FRMD4A: variants seen among roughly 807,000 people sequenced by gnomAD.
The protein encoded by FRMD4A is FERM domain-containing protein 4A.
FRMD4A carries 29 observed loss-of-function variants against 129.1 expected under a neutral mutation model. That is an observed-to-expected ratio of 0.22 (90% CI 0.17 to 0.31). The LOEUF (loss-of-function observed/expected upper bound fraction) is 0.31, where lower values mean the gene tolerates loss of function less well. FRMD4A is among the 10% of genes least tolerant of loss of function. The pLI, the probability that FRMD4A is intolerant of heterozygous loss-of-function variation, is 1.00. For missense variants in FRMD4A, 1,272 were observed against 1,375.8 expected (o/e 0.92, Z 1.19); for synonymous variants, 634 against 571.6 (o/e 1.11, Z -1.56).
rs1844281052 is a variant in FRMD4A, at chr10:14,247,421, A to G, written c.45+82637T>C. Among the ~76,000 whole-genome samples the G allele has an allele frequency of 5.9e-5, 9 of 152,236 alleles. No individual in the cohort carries two copies. The South Asian group carries it at 1.9e-3, about 32-fold the overall frequency. ...AATGCAGCTCATAGCACCTGTCAAA[A>G]GAAATAAGATCACATTAAAATTCTT... On this transcript the variant is annotated intron_variant, in intron 2 of 24. Transcript: ENST00000357447.
At chr10:14,079,167 G>T (rs1835782621) in intron 2 of FRMD4A, among the ~76,000 whole-genome samples, 1 of 152,224 alleles carries the variant, frequency 6.6e-6, no homozygotes, top group South Asian at 2.1e-4. Flanking sequence ...AGGTGCTGCT[G>T]TTACCTCCAG....
chr10:13,941,098 G>A (rs1294463646), intron 2 of FRMD4A, among the ~76,000 whole-genome samples: 2 of 152,168 alleles, frequency 1.3e-5, no homozygotes, highest in African/African-American at 4.8e-5. Flanking sequence ...CGTGTGATAT[G>A]GTTTGGCTGT....
intron 2 of FRMD4A, among the ~76,000 whole-genome samples, chr10:13,966,867 A>G (rs555200027): frequency 4.3e-4 from 66 of 152,278 alleles, no homozygotes; most frequent in Non-Finnish European, 8.7e-4. Context: ...ATTGTGGTAT[A>G]TACATAGGAT....
intron 8 of FRMD4A, among the ~76,000 whole-genome samples, chr10:13,754,507 A>G (rs1016015260): frequency 6.6e-6 from 1 of 151,938 alleles, no homozygotes; most frequent in African/African-American, 2.4e-5. Context: ...CTGCTCTTCA[A>G]TTACTCATGG....
intron 19 of FRMD4A, 61 bp from the exon 20 acceptor site, chr10:13,660,614 G>T: frequency 9.5e-7 from 1 of 1,050,186 alleles, no homozygotes; most frequent in Non-Finnish European, 1.4e-6. Context: ...GGCTGAGACA[G>T]AACCCCTACA....
At chr10:14,329,551 A>C (rs1292677442) in intron 2 of FRMD4A, among the ~76,000 whole-genome samples, 1 of 152,200 alleles carries the variant, frequency 6.6e-6, no homozygotes, top group Non-Finnish European at 1.5e-5. Flanking sequence ...CTCCCAACTC[A>C]GTAGCCCAAG....
intron 2 of FRMD4A, among the ~76,000 whole-genome samples, chr10:14,245,014 C>G (rs1287605845): frequency 6.6e-6 from 1 of 152,204 alleles, no homozygotes; most frequent in Admixed American, 6.5e-5. Flanking sequence ...CAGCAAAGAC[C>G]TTCTGAGCTC....
intron 2 of FRMD4A, among the ~76,000 whole-genome samples, chr10:13,995,795 G>A (rs1402146528): frequency 6.6e-6 from 1 of 151,610 alleles, no homozygotes; most frequent in Non-Finnish European, 1.5e-5. Context: ...AAATCGACAA[G>A]TGCCCGTATG....
At chr10:13,720,526 A>C (rs186873122) in intron 12 of FRMD4A, among the ~76,000 whole-genome samples, 346 of 152,356 alleles carry the variant, frequency 2.3e-3, no homozygotes, top group African/African-American at 7.9e-3. Flanking sequence ...TCAGGCACTG[A>C]GGATACAGCA....
intron 2 of FRMD4A, among the ~76,000 whole-genome samples, chr10:14,134,750 G>A (rs868453966): frequency 1.3e-5 from 2 of 152,132 alleles, no homozygotes; most frequent in African/African-American, 4.8e-5. Flanking sequence ...TGAGTGGATG[G>A]ATAGAAAGTC....
chr10:14,155,795 G>A (rs1041338057), intron 2 of FRMD4A, among the ~76,000 whole-genome samples: 8 of 152,186 alleles, frequency 5.3e-5, no homozygotes, highest in Admixed American at 1.3e-4. Flanking sequence ...CTCTTTACTC[G>A]CATTTTCAGA....
intron 2 of FRMD4A, among the ~76,000 whole-genome samples, chr10:13,938,866 A>G (rs1203318819): frequency 6.6e-6 from 1 of 152,050 alleles, no homozygotes; most frequent in Admixed American, 6.6e-5. Context: ...ACAGAGAAAG[A>G]CCTGGTCCCA....
intron 2 of FRMD4A, among the ~76,000 whole-genome samples, chr10:13,939,072 A>G (rs1178842688): frequency 6.6e-6 from 1 of 152,210 alleles, no homozygotes; most frequent in Admixed American, 6.5e-5. Flanking sequence ...CAATAGTACC[A>G]AGATTGAGAA....
At chr10:13,971,810 G>T (rs770887631) in intron 2 of FRMD4A, 1 of 1,304,428 alleles carries the variant, frequency 7.7e-7, no homozygotes, top group East Asian at 5.5e-5. Context: ...GCCAGCCCCA[G>T]ACTCTGCCGC....
intron 6 of FRMD4A, among the ~76,000 whole-genome samples, chr10:13,780,539 G>A (rs2092708462): frequency 6.6e-6 from 1 of 152,100 alleles, no homozygotes; most frequent in South Asian, 2.1e-4. Context: ...AAACATTTTT[G>A]TAAAGAAGAT....
At chr10:14,073,515 C>A (rs1204753911) in intron 2 of FRMD4A, among the ~76,000 whole-genome samples, 1 of 151,996 alleles carries the variant, frequency 6.6e-6, no homozygotes, top group Non-Finnish European at 1.5e-5. Flanking sequence ...CTGGATATAC[C>A]CTCCCAAAGC....
chr10:14,126,819 T>C (rs12572095), intron 2 of FRMD4A, among the ~76,000 whole-genome samples: 47,072 of 151,638 alleles, frequency 0.31, 7,586 homozygotes, highest in East Asian at 0.52. Flanking sequence ...AAGAAATCAA[T>C]AGGAATGTGC....
intron 2 of FRMD4A, among the ~76,000 whole-genome samples, chr10:13,886,518 G>T (rs1252904258): frequency 1.3e-5 from 2 of 152,192 alleles, no homozygotes; most frequent in African/African-American, 4.8e-5. Flanking sequence ...ACACAGGTGG[G>T]CCTAACAAGC....
At chr10:13,820,908 G>GCCCGT (rs2093620446) in intron 3 of FRMD4A, among the ~76,000 whole-genome samples, 1 of 152,242 alleles carries the variant, frequency 6.6e-6, no homozygotes, top group Non-Finnish European at 1.5e-5. Context: ...GTGAAACGTG[G>GCCCGT]CCCGTCTGCC....
Sources: allele counts gnomAD v4.1 joint callset (sites outside exome capture counted in the v4.1 genomes callset), GRCh38; gene constraint gnomAD v4.1.1; transcripts MANE v1.5; gene names NCBI Gene and HGNC (gene_info 2026-07-23, HGNC 2026-07-21).